Variants in COL5A2 observed in about 807,000 individuals in gnomAD.
The protein encoded by COL5A2 is collagen alpha-2(V) chain.
Under a neutral mutation model 208.2 loss-of-function variants are expected in COL5A2, and 23 were observed. The ratio of observed to expected loss-of-function variants is 0.11; its 90% CI spans 0.08 to 0.16. COL5A2 has a LOEUF of 0.16. Ranked by LOEUF, COL5A2 falls within the 10% of genes least tolerant of loss-of-function variation. COL5A2 has a pLI of 1.00. For missense variants in COL5A2, 1,590 were observed against 1,956.4 expected, an observed-to-expected ratio of 0.81 and a Z score of 3.53; for synonymous variants, 625 against 628.5, an observed-to-expected ratio of 0.99 and a Z score of 0.08.
intron 34 of COL5A2, 123 bp downstream of exon 34, chr2:189,057,197 G>A (rs1685916994): frequency 5.2e-6 from 5 of 954,920 alleles, no homozygotes; most frequent in South Asian, 4.2e-5. Context: ...TTAGAAGAAT[G>A]AAAAATGAAT....
At chr2:189,252,578 C>T in the COL5A2 span, among the ~76,000 whole-genome samples, 33 of 151,654 alleles carry the variant, frequency 2.2e-4, no homozygotes, top group African/African-American at 6.8e-4. Flanking sequence ...CACTTGGACA[C>T]AGGAAGGGGA....
chr2:189,043,859 C>G (rs1685610207), intron 47 of COL5A2, among the ~76,000 whole-genome samples: 1 of 152,180 alleles, frequency 6.6e-6, no homozygotes, highest in African/African-American at 2.4e-5. Flanking sequence ...TATCTGTAAC[C>G]AAATCCAGTG....
chr2:189,299,277 A>G, the COL5A2 span, among the ~76,000 whole-genome samples: 3 of 152,206 alleles, frequency 2.0e-5, no homozygotes, highest in Non-Finnish European at 2.9e-5. Context: ...ACTTTAAAAA[A>G]AACAGAAGTA....
intron 11 of COL5A2, among the ~76,000 whole-genome samples, chr2:189,084,773 G>A (rs939459071): frequency 1.3e-5 from 2 of 152,090 alleles, no homozygotes; most frequent in Non-Finnish European, 2.9e-5. Flanking sequence ...CTACTAACAC[G>A]TTTTAAAAAT....
At chr2:189,104,228 G>A in intron 3 of COL5A2, 36 bp downstream of exon 3, 2 of 1,458,962 alleles carry the variant, frequency 1.4e-6, no homozygotes, top group Middle Eastern at 1.7e-4. Flanking sequence ...ATATAAGTCT[G>A]CTTATGAAAA....
intron 31 of COL5A2, among the ~76,000 whole-genome samples, chr2:189,059,604 T>TTTTTTTTTTTTTTTTTTTTTTTTTTTG: frequency 8.6e-6 from 1 of 116,816 alleles, no homozygotes; most frequent in Non-Finnish European, 1.8e-5. Flanking sequence ...TTTTTTTTTT[T>TTTTTTTTTTTTTTTTTTTTTTTTTTTG]TTTTTTTGAG....
the COL5A2 span, among the ~76,000 whole-genome samples, chr2:189,293,669 A>C: frequency 6.6e-6 from 1 of 152,234 alleles, no homozygotes; most frequent in Non-Finnish European, 1.5e-5. Context: ...ACATGAGGAC[A>C]GGCAAAAAGA....
chr2:189,385,091 TA>T, the COL5A2 span, among the ~76,000 whole-genome samples: 1 of 152,156 alleles, frequency 6.6e-6, no homozygotes, highest in Non-Finnish European at 1.5e-5. Flanking sequence ...CTTTAATTGA[TA>T]AATATAATGA....
chr2:189,406,619 GAC>G, the COL5A2 span, among the ~76,000 whole-genome samples: 4 of 152,120 alleles, frequency 2.6e-5, no homozygotes, highest in Non-Finnish European at 5.9e-5. Flanking sequence ...AAACATGATT[GAC>G]ACAGATCTGA....
the COL5A2 span, among the ~76,000 whole-genome samples, chr2:189,316,870 T>G: frequency 6.6e-6 from 1 of 152,008 alleles, no homozygotes; most frequent in Non-Finnish European, 1.5e-5. Context: ...ATTATACATT[T>G]TAAAATAACT....
the COL5A2 span, among the ~76,000 whole-genome samples, chr2:189,323,840 C>G: frequency 3.3e-5 from 5 of 152,060 alleles, no homozygotes; most frequent in Admixed American, 6.5e-5. Flanking sequence ...TCATATGGAA[C>G]CAAAAAAGAG....
At chr2:189,073,278 T>C (rs1008768315) in intron 17 of COL5A2, among the ~76,000 whole-genome samples, 6 of 152,192 alleles carry the variant, frequency 3.9e-5, no homozygotes, top group South Asian at 2.1e-4. Flanking sequence ...GTTTTTCCTG[T>C]TGCAGCAAAA....
chr2:189,107,084 A>T (rs565573387), intron 2 of COL5A2, among the ~76,000 whole-genome samples: 57 of 151,580 alleles, frequency 3.8e-4, no homozygotes, highest in African/African-American at 7.7e-4. Flanking sequence ...TCATAGTAAA[A>T]CTTTGAAAGT....
At chr2:189,418,703 T>C in the COL5A2 span, among the ~76,000 whole-genome samples, 2 of 152,194 alleles carry the variant, frequency 1.3e-5, no homozygotes, top group Non-Finnish European at 2.9e-5. Context: ...CAGAGCACAA[T>C]TATCCTGATA....
In COL5A2 at chr2:189,113,570, G is replaced by A. The variant is rs112296105; in HGVS notation, c.98-3121C>T. On this transcript the variant is annotated intron_variant, in intron 1 of 53. Coordinates refer to ENST00000374866, the MANE Select transcript of COL5A2 (RefSeq NM_000393.5). The stretch of plus-strand genomic sequence containing the variant: ...TGTTTTATATATATAACATTGTGGA[G>A]TGCTATATTTGTTATATAATAGATG... Among the ~76,000 whole-genome samples the A allele has an allele frequency of 7.3e-3, 1,089 of 148,932 alleles. 13 individuals carry two copies. The highest frequency in any genetic ancestry group is 0.025 in the African/African-American group (1,006 of 40,872).
Position 189,066,927 on chromosome 2 carries a change from G to GTGATTATTT in COL5A2, c.1402-146_1402-145insAAATAATCA, listed in dbSNP as rs1686167571. 7.6e-6 allele frequency: 5 copies of GTGATTATTT among 657,190 alleles called. No homozygotes were observed. In the Admixed American group the frequency reaches 1.1e-4, roughly 14 times the overall value. 40.7% of individuals were successfully genotyped at this position (657,190 alleles called of 1,614,324 possible). A position where few individuals can be genotyped will look rare whatever the true frequency, so the allele number is the denominator to read the frequency against. ...TAGTATAATATAATCATTTTTAAATGAATGCATGTGAATATGTTAATATGT... is the reference window on the plus strand; with the variant it reads ...TAGTATAATATAATCATTTTTAAATGTGATTATTTAATGCATGTGAATATGTTAATATGT... On this transcript the variant is annotated intron_variant, in intron 21 of 53. Coordinates refer to ENST00000374866, the MANE Select transcript of COL5A2 (RefSeq NM_000393.5).
intron 33 of COL5A2, 47 bp downstream of exon 33, chr2:189,058,382 A>G (rs1005457666): frequency 4.3e-6 from 6 of 1,389,038 alleles, no homozygotes; most frequent in African/African-American, 1.4e-5. Flanking sequence ...TTTATTAAGC[A>G]GTAATTTTAA....
intron 1 of COL5A2, among the ~76,000 whole-genome samples, chr2:189,146,142 C>G (rs1348719969): frequency 6.6e-6 from 1 of 151,900 alleles, no homozygotes; most frequent in Non-Finnish European, 1.5e-5. Flanking sequence ...GGAGAAGGTA[C>G]AGTTGTGAAA....
chr2:189,305,232 A>G, the COL5A2 span, among the ~76,000 whole-genome samples: 2,587 of 152,324 alleles, frequency 0.017, 76 homozygotes, highest in African/African-American at 0.059. Flanking sequence ...TCTGGTAGGA[A>G]ATGCGTGGGC....
Sources: allele counts gnomAD v4.1 joint callset (sites outside exome capture counted in the v4.1 genomes callset), GRCh38; gene constraint gnomAD v4.1.1; transcripts MANE v1.5; gene names NCBI Gene and HGNC (gene_info 2026-07-23, HGNC 2026-07-21).